SCN10A: variants seen among roughly 807,000 people sequenced by gnomAD.
SCN10A encodes sodium channel protein type 10 subunit alpha.
A neutral mutation model predicts 170.7 loss-of-function variants in SCN10A; 162 were observed. That is an observed-to-expected ratio of 0.95 (90% CI 0.84 to 1.08). SCN10A has a LOEUF of 1.08. Ranked by LOEUF, SCN10A falls within the 50% of genes least tolerant of loss-of-function variation. The pLI, the probability that SCN10A is intolerant of heterozygous loss-of-function variation, is 0.00. For missense variants in SCN10A, 2,527 were observed against 2,436.9 expected (o/e 1.04, Z -0.78); for synonymous variants, 985 against 904.6 (o/e 1.09, Z -1.59).
chr3:38,761,364 C>G lies in SCN10A; in HGVS notation c.711G>C (p.Gly237=), dbSNP rs555884132. Residue 237 remains glycine, a synonymous_variant, in exon 7 of 28, where the codon GGG becomes GGC. Transcript: ENST00000449082. Reference sequence around the variant, plus strand: ...GTTTCTTCACTGAGTGAATCAGGGCCCCCACAATGACCTTCAGGCCTGCGG... The same window carrying G: ...GTTTCTTCACTGAGTGAATCAGGGCGCCCACAATGACCTTCAGGCCTGCGG... ...SVIPGLKVIV[G]ALIHSVKKLA... The G allele has an allele frequency of 2.5e-6, 4 of 1,613,520 alleles. No individual in the cohort carries two copies. The South Asian group carries it at 3.3e-5, about 13-fold the overall frequency.
intron 17 of SCN10A, among the ~76,000 whole-genome samples, chr3:38,726,338 G>A (rs970766405): frequency 8.5e-5 from 13 of 152,156 alleles, no homozygotes; most frequent in Admixed American, 1.3e-4. Flanking sequence ...TGGGCAGAGC[G>A]CATGGGACAG....
intron 27 of SCN10A, 147 bp from the exon 28 acceptor site, chr3:38,698,709 G>A: frequency 1.4e-6 from 1 of 707,288 alleles, no homozygotes. Flanking sequence ...AGCCTGGCAT[G>A]GTAGGTAGCA....
At chr3:38,799,738 A>G (rs2064360556) in intron 1 of SCN10A, among the ~76,000 whole-genome samples, 1 of 152,100 alleles carries the variant, frequency 6.6e-6, no homozygotes, top group Non-Finnish European at 1.5e-5. Flanking sequence ...CTTTAAAAAA[A>G]TCATATGATT....
intron 1 of SCN10A, among the ~76,000 whole-genome samples, chr3:38,799,752 G>A (rs1488227905): frequency 6.6e-6 from 1 of 152,002 alleles, no homozygotes; most frequent in Non-Finnish European, 1.5e-5. Flanking sequence ...TATGATTAAG[G>A]TTTTGATAAT....
At chr3:38,797,993 C>A (rs1575186632) in intron 1 of SCN10A, among the ~76,000 whole-genome samples, 1 of 152,110 alleles carries the variant, frequency 6.6e-6, no homozygotes, top group South Asian at 2.1e-4. Context: ...TAAGACTTTC[C>A]CATCAGAAGT....
intron 5 of SCN10A, among the ~76,000 whole-genome samples, chr3:38,770,828 A>T (rs547993868): frequency 2.0e-5 from 3 of 152,102 alleles, no homozygotes; most frequent in Non-Finnish European, 4.4e-5. Flanking sequence ...TGCCTGTGAG[A>T]CATAGTCAGG....
At chr3:38,732,786 T>C (rs566851258) in intron 15 of SCN10A, among the ~76,000 whole-genome samples, 2 of 152,306 alleles carry the variant, frequency 1.3e-5, no homozygotes, top group East Asian at 1.9e-4. Flanking sequence ...TAATTGGCTA[T>C]GTTGGTCAAG....
chr3:38,755,704 C>A, intron 11 of SCN10A, 84 bp downstream of exon 11: 1 of 1,522,158 alleles, frequency 6.6e-7, no homozygotes, highest in Non-Finnish European at 9.1e-7. Flanking sequence ...CTTTCTCTGC[C>A]ACACACCTCT....
At chr3:38,717,347 G>A (rs2063343675) in intron 21 of SCN10A, among the ~76,000 whole-genome samples, 1 of 152,254 alleles carries the variant, frequency 6.6e-6, no homozygotes, top group African/African-American at 2.4e-5. Flanking sequence ...TCAGTAGGAA[G>A]ATGGATGAAA....
intron 6 of SCN10A, among the ~76,000 whole-genome samples, chr3:38,762,279 G>A (rs563806842): frequency 4.5e-4 from 68 of 152,296 alleles, no homozygotes; most frequent in Middle Eastern, 3.4e-3. Flanking sequence ...GTCGAGTGCC[G>A]TTGTCTGACA....
chr3:38,730,651 T>TA (rs76535930), intron 15 of SCN10A, among the ~76,000 whole-genome samples: 5 of 151,866 alleles, frequency 3.3e-5, no homozygotes, highest in Non-Finnish European at 7.4e-5. Context: ...GTGCAGAGAA[T>TA]AAAAAAACTA....
chr3:38,804,466 T>G (rs1170376452), intron 1 of SCN10A, among the ~76,000 whole-genome samples: 1 of 152,172 alleles, frequency 6.6e-6, no homozygotes, highest in South Asian at 2.1e-4. Context: ...CATGAAAGCA[T>G]AGATTTTGTC....
Position 38,697,543 on chromosome 3 carries a change from C to T in SCN10A, c.5677G>A (p.Gly1893Ser), listed in dbSNP as rs1195353680. Reference sequence around the variant, plus strand: ...TCATTTGCTGTGAATGCAACAAAACCTTCATCTGGGAGTGATGCAGCCTCC... The same window carrying T: ...TCATTTGCTGTGAATGCAACAAAACTTTCATCTGGGAGTGATGCAGCCTCC... ...EEEAASLPDE[G>S]FVAFTANENC... The change falls in exon 28 of 28, where the codon GGT becomes AGT. Residue 1893 changes from glycine (G) to serine (S), a missense_variant. By Grantham distance (56) the Gly-to-Ser change is moderately conservative. Coordinates refer to ENST00000449082, the MANE Select transcript of SCN10A (RefSeq NM_006514.4). 15 of 1,614,030 alleles carry T rather than the reference C, an allele frequency of 9.3e-6. No individual in the cohort carries two copies. The highest frequency in any genetic ancestry group is 4.5e-5 in the East Asian group (2 of 44,892).
chr3:38,738,055 C>T (rs2063589948), intron 15 of SCN10A, among the ~76,000 whole-genome samples: 1 of 151,786 alleles, frequency 6.6e-6, no homozygotes, highest in Non-Finnish European at 1.5e-5. Flanking sequence ...ATCCTCCCAC[C>T]TCAGTCTTCT....
chr3:38,697,966 C>A lies in SCN10A; in HGVS notation c.5254G>T (p.Asp1752Tyr). 6.2e-7 allele frequency: 1 copy of A among 1,614,160 alleles called. No individual in the cohort carries two copies. The highest frequency in any genetic ancestry group is 8.5e-7 in the Non-Finnish European group (1 of 1,180,022). ...DMFYETWEKF[D>Y]PEATQFITFS... is the part of the protein sequence containing the mutation. ...GTAATAAACTGAGTGGCCTCTGGGTCAAACTTCTCCCAGGTCTCATAGAAC... is the reference window on the plus strand; with the variant it reads ...GTAATAAACTGAGTGGCCTCTGGGTAAAACTTCTCCCAGGTCTCATAGAAC... Residue 1752 changes from aspartate to tyrosine, a missense_variant, in exon 28 of 28, where the codon GAC becomes TAC. By Grantham distance (160) the Asp-to-Tyr change is radical. Coordinates refer to ENST00000449082, the MANE Select transcript of SCN10A (RefSeq NM_006514.4).
chr3:38,742,600 T>G, intron 13 of SCN10A, 71 bp from the exon 14 acceptor site: 1 of 1,134,584 alleles, frequency 8.8e-7, no homozygotes, highest in African/African-American at 1.5e-5. Context: ...GCGGTCATCC[T>G]CTAGACCTTG....
intron 1 of SCN10A, among the ~76,000 whole-genome samples, chr3:38,795,341 C>CTTTTTTTTTTTTTTTTTTTTTTT (rs201748424): frequency 7.8e-6 from 1 of 127,876 alleles, no homozygotes; most frequent in African/African-American, 3.0e-5. Context: ...TTTTCTTTTT[C>CTTTTTTTTTTTTTTTTTTTTTTT]TTTTTCTTTT....
intron 5 of SCN10A, among the ~76,000 whole-genome samples, chr3:38,770,315 C>T (rs1016662761): frequency 6.6e-6 from 1 of 152,020 alleles, no homozygotes; most frequent in South Asian, 2.1e-4. Context: ...ATAAAGCTTC[C>T]GAGAGTTTCT....
chr3:38,707,309 C>T lies in SCN10A; in HGVS notation c.4356G>A (p.Lys1452=). 6.2e-7 allele frequency: 1 copy of T among 1,614,120 alleles called. No individual in the cohort carries two copies. Among genetic ancestry groups the T allele is most frequent in the Middle Eastern group, 1.7e-4 (1 of 6,044 alleles). ...YYNAMKKLGS[K]KPQKPIPRPL... ...GCCGTGGGATGGGCTTCTGGGGCTT[C>T]TTGGAGCCCAACTTCTTCATGGCAT... The change falls in exon 26 of 28, where the codon AAG becomes AAA. Residue 1452 remains lysine, a synonymous_variant. Coordinates refer to ENST00000449082, the MANE Select transcript of SCN10A (RefSeq NM_006514.4).
Sources: allele counts gnomAD v4.1 joint callset (sites outside exome capture counted in the v4.1 genomes callset), GRCh38; gene constraint gnomAD v4.1.1; transcripts MANE v1.5; gene names NCBI Gene and HGNC (gene_info 2026-07-23, HGNC 2026-07-21).